ARMC3: variants seen among roughly 807,000 people sequenced by gnomAD.
The protein encoded by ARMC3 is armadillo repeat containing 3, also known as armadillo repeat-containing protein 3.
Under a neutral mutation model 90.3 loss-of-function variants are expected in ARMC3, and 74 were observed. That is an observed-to-expected ratio of 0.82 (90% CI 0.68 to 0.99). ARMC3 has a LOEUF of 0.99. ARMC3 is among the 50% of genes least tolerant of loss of function. The pLI, the probability that ARMC3 is intolerant of heterozygous loss-of-function variation, is 0.00. For synonymous variants in ARMC3, 334 were observed against 361.8 expected, an observed-to-expected ratio of 0.92 and a Z score of 0.87; for missense variants, 958 against 1,042.8, an observed-to-expected ratio of 0.92 and a Z score of 1.12.
At chr10:23,004,717 G>T (rs1837489975) in intron 13 of ARMC3, among the ~76,000 whole-genome samples, 1 of 152,154 alleles carries the variant, frequency 6.6e-6, no homozygotes, top group Non-Finnish European at 1.5e-5. Flanking sequence ...TGGTAGTGGA[G>T]AACTAGAGAA....
chr10:22,947,156 A>AT (rs1285412497), intron 3 of ARMC3, among the ~76,000 whole-genome samples: 4 of 151,990 alleles, frequency 2.6e-5, no homozygotes, highest in African/African-American at 7.2e-5. Context: ...AAATAGAAAC[A>AT]TTAGCCAGGT....
chr10:22,938,888 A>C (rs1482267119), intron 2 of ARMC3, among the ~76,000 whole-genome samples: 6 of 152,232 alleles, frequency 3.9e-5, no homozygotes, highest in African/African-American at 1.4e-4. Flanking sequence ...TGGAGGCCTG[A>C]CAATTAAATA....
At chr10:22,989,232 A>G (rs780188359) in intron 10 of ARMC3, among the ~76,000 whole-genome samples, 1 of 152,252 alleles carries the variant, frequency 6.6e-6, no homozygotes, top group East Asian at 1.9e-4. Flanking sequence ...TCATTTCAAC[A>G]TGCTGCTTTT....
intron 8 of ARMC3, among the ~76,000 whole-genome samples, chr10:22,979,707 G>T (rs1185785393): frequency 6.6e-6 from 1 of 152,076 alleles, no homozygotes; most frequent in Non-Finnish European, 1.5e-5. Flanking sequence ...AAAATAATAA[G>T]AACCGTGTAT....
intron 7 of ARMC3, among the ~76,000 whole-genome samples, chr10:22,963,543 TG>T (rs1386347790): frequency 2.0e-5 from 3 of 152,098 alleles, no homozygotes; most frequent in African/African-American, 7.2e-5. Context: ...AGCATTGTCC[TG>T]GAAGTTGGAA....
rs536842208 is a variant in ARMC3 at position 22,966,395 on chromosome 10, AAGG to A, written c.733-1908_733-1906del. ...TCTCACCTAGCACAGCTCCCTCTTC[AAGG>A]AGAAGATATGCTTTCTAGTCCTTGC... On this transcript the variant is annotated intron_variant, in intron 7 of 18. Transcript: ENST00000298032. Among the ~76,000 whole-genome samples the A allele has an allele frequency of 2.5e-3, 384 of 152,334 alleles. 1 individual carries two copies. Among genetic ancestry groups the A allele is most frequent in the Middle Eastern group, 6.8e-3 (2 of 294 alleles).
At chr10:23,014,443 G>A in intron 16 of ARMC3, 1 of 1,079,910 alleles carries the variant, frequency 9.3e-7, no homozygotes, top group Non-Finnish European at 1.1e-6. Context: ...TAAAACTTTG[G>A]ACTCCTGGAA....
In ARMC3 at chr10:23,013,036, G is replaced by A. The variant is rs1003379727; in HGVS notation, c.2045+4105G>A. ...CCCGAGTAGCTGGGATTACAGATGC[G>A]TGCCATCATGCCCAGCTAATTTTTA... On this transcript the variant is annotated intron_variant, in intron 16 of 18. Coordinates refer to ENST00000298032, the MANE Select transcript of ARMC3 (RefSeq NM_173081.5). Among the ~76,000 whole-genome samples the A allele has an allele frequency of 2.6e-5, 4 of 151,920 alleles. No homozygotes were observed. In the East Asian group the frequency reaches 5.8e-4, roughly 22 times the overall value.
chr10:23,035,247 G>A lies in ARMC3; in HGVS notation c.2410-2023G>A, dbSNP rs908576927. On this transcript the variant is annotated intron_variant, in intron 18 of 18. Coordinates refer to ENST00000298032, the MANE Select transcript of ARMC3 (RefSeq NM_173081.5). ...TTATTATAGGGACACTAATCCCATC[G>A]TGGGGTCTACCCTCATGACCTCATC... Among the ~76,000 whole-genome samples, 6 of 152,084 alleles carry A rather than the reference G, an allele frequency of 3.9e-5. 1 individual carries two copies. The highest frequency in any genetic ancestry group is 5.9e-5 in the Non-Finnish European group (4 of 68,006).
At chr10:23,031,235 G>A (rs192023380) in intron 17 of ARMC3, 421 of 167,836 alleles carry the variant, frequency 2.5e-3, no homozygotes, top group Middle Eastern at 0.013. Context: ...CTGATATTTC[G>A]TGTTTCATGT....
chr10:22,982,462 C>A (rs1180016844), intron 10 of ARMC3, among the ~76,000 whole-genome samples: 1 of 152,166 alleles, frequency 6.6e-6, no homozygotes, highest in African/African-American at 2.4e-5. Flanking sequence ...CTTCTATATC[C>A]CAAGCACTCT....
intron 3 of ARMC3, among the ~76,000 whole-genome samples, chr10:22,949,644 G>A (rs1419490832): frequency 6.6e-6 from 1 of 152,146 alleles, no homozygotes; most frequent in East Asian, 1.9e-4. Flanking sequence ...CAATATATGT[G>A]TAATTGGAGT....
intron 7 of ARMC3, among the ~76,000 whole-genome samples, chr10:22,966,115 C>CTACA (rs1171401056): frequency 6.6e-6 from 1 of 152,208 alleles, no homozygotes; most frequent in Non-Finnish European, 1.5e-5. Context: ...AGGCAGTGAG[C>CTACA]TACACACTTT....
rs146940219 is a variant in ARMC3 at position 23,037,317 on chromosome 10, G to C, written c.2457G>C (p.Glu819Asp). 11 of 1,613,398 alleles carry C rather than the reference G, an allele frequency of 6.8e-6. No homozygotes were observed. In the African/African-American group the frequency reaches 1.3e-4, roughly 20 times the overall value. ...TTGGTTGCTCCCTAGTTCGCGGAGA[G>C]TACGGTAGAGCGTGGAATGAAGTCA... ...IGIGCSLVRG[E>D]YGRAWNEVML... The change falls in exon 19 of 19, where the codon GAG (glutamate) becomes GAC (aspartate). Residue 819 changes from glutamate (E) to aspartate (D), a missense_variant. Physicochemically the swap from Glu to Asp is conservative, Grantham distance 45. Coordinates refer to ENST00000298032, the MANE Select transcript of ARMC3 (RefSeq NM_173081.5).
At chr10:22,978,966 T>G (rs769103405) in intron 8 of ARMC3, among the ~76,000 whole-genome samples, 66 of 152,340 alleles carry the variant, frequency 4.3e-4, no homozygotes, top group Admixed American at 7.2e-4. Flanking sequence ...TGAGTAAACT[T>G]TTAACATGCA....
At chr10:22,944,528 T>G (rs185936657) in intron 2 of ARMC3, among the ~76,000 whole-genome samples, 5 of 152,318 alleles carry the variant, frequency 3.3e-5, no homozygotes, top group Admixed American at 2.0e-4. Flanking sequence ...TAGTATTTAT[T>G]GTTTCTGCCA....
intron 10 of ARMC3, among the ~76,000 whole-genome samples, chr10:22,996,609 G>A (rs552785920): frequency 3.0e-4 from 46 of 152,276 alleles, no homozygotes; most frequent in Non-Finnish European, 5.6e-4. Flanking sequence ...CAGGGTGGGA[G>A]GTGGTCCTGC....
chr10:23,008,310 G>A lies in ARMC3; in HGVS notation c.1864G>A (p.Val622Ile), dbSNP rs745798989. 2 of 1,555,414 alleles carry A rather than the reference G, an allele frequency of 1.3e-6. No individual in the cohort carries two copies. Among genetic ancestry groups the A allele is most frequent in the Admixed American group, 3.6e-5 (2 of 56,296 alleles). ...TTCATCTATGGAAGATAAATCAGATGTTGGTTATGGACGAAGTATTTCTTC... is the reference window on the plus strand; with the variant it reads ...TTCATCTATGGAAGATAAATCAGATATTGGTTATGGACGAAGTATTTCTTC... The part of the protein sequence containing the change: ...PPSSMEDKSD[V>I]GYGRSISSSS... Residue 622 changes from valine (V) to isoleucine (I), a missense_variant, in exon 15 of 19, where the codon GTT becomes ATT. Transcript: ENST00000298032.
intron 7 of ARMC3, among the ~76,000 whole-genome samples, chr10:22,962,733 A>G (rs1180328061): frequency 6.6e-6 from 1 of 152,220 alleles, no homozygotes; most frequent in African/African-American, 2.4e-5. Context: ...AACATATTGA[A>G]GGAGAAAAAC....
Sources: allele counts gnomAD v4.1 joint callset (sites outside exome capture counted in the v4.1 genomes callset), GRCh38; gene constraint gnomAD v4.1.1; transcripts MANE v1.5; gene names NCBI Gene and HGNC (gene_info 2026-07-23, HGNC 2026-07-21).